Variants in SH3BP1 observed in about 807,000 individuals in gnomAD.
SH3BP1 encodes the protein SH3 domain binding protein 1.
In SH3BP1, 46 loss-of-function variants were observed where a neutral mutation model predicts 69.8. That is an observed-to-expected ratio of 0.66 (90% CI 0.52 to 0.84). The LOEUF is 0.84. Ranked by LOEUF, SH3BP1 falls within the 40% of genes least tolerant of loss-of-function variation. The pLI, the probability that SH3BP1 is intolerant of heterozygous loss-of-function variation, is 0.00. For synonymous variants in SH3BP1, 403 were observed against 378.0 expected (o/e 1.07, Z -0.77); for missense variants, 868 against 930.9 (o/e 0.93, Z 0.88).
chr22:37,650,231 G>A lies in SH3BP1; in HGVS notation c.1396G>A (p.Asp466Asn), dbSNP rs1206086942. 1 of 1,611,362 alleles carries A rather than the reference G, an allele frequency of 6.2e-7. No individual in the cohort carries two copies. The highest frequency in any genetic ancestry group is 8.5e-7 in the Non-Finnish European group (1 of 1,178,782). The change falls in exon 15 of 18, where the codon GAC becomes AAC. Residue 466 changes from aspartate to asparagine, a missense_variant. This residue lies in a region of SH3BP1 where 474 missense variants were observed against 462.3 expected (regional missense o/e 1.03). Coordinates refer to ENST00000649765, the MANE Select transcript of SH3BP1 (RefSeq NM_018957.6). ...GVVEALIQSADTLFPGDINFN... is the reference protein window; with the variant it reads ...GVVEALIQSANTLFPGDINFN... ...CGTCGAGGCGCTGATCCAGAGCGCA[G>A]ACACCCTCTTCCCTGGAGGTGAAGC...
chr22:37,643,937 C>T (rs997672513), intron 7 of SH3BP1, 149 bp downstream of exon 7: 49 of 825,950 alleles, frequency 5.9e-5, no homozygotes, highest in Non-Finnish European at 7.6e-5. Flanking sequence ...GCCATTCCCT[C>T]GTAGCCTCTT....
At position 37,648,339 on chromosome 22, in the gene SH3BP1, C is replaced by A; in HGVS notation, c.1220C>A (p.Ala407Glu). 1 of 1,581,398 alleles carries A rather than the reference C, an allele frequency of 6.3e-7. No homozygotes were observed. Residue 407 changes from alanine to glutamate, a missense_variant, in exon 14 of 18, where the codon GCA becomes GAA. Around this residue, in one of 3 missense-constraint regions of SH3BP1, gnomAD observed 474 missense variants for 462.3 expected, o/e 1.03. Coordinates refer to ENST00000649765, the MANE Select transcript of SH3BP1 (RefSeq NM_018957.6). ...SNLRYLMKFL[A>E]RLAEEQEVNK... is the part of the protein sequence containing the mutation. ...CTTAGGTACCTGATGAAGTTCCTGGCACGGCTGGCCGAGGAGCAGGAGGTG... is the reference window on the plus strand; with the variant it reads ...CTTAGGTACCTGATGAAGTTCCTGGAACGGCTGGCCGAGGAGCAGGAGGTG...
Position 37,655,994 on chromosome 22 carries a change from G to C in SH3BP1, c.*310G>C. On this transcript the variant is annotated 3_prime_UTR_variant, in exon 18 of 18. Transcript: ENST00000649765. ...CTACGGGACTGATTCTTCTCTTGCC[G>C]ACATGTTTTTTGTAAGGCTGGTAAA... 1 of 1,489,438 alleles carries C rather than the reference G, an allele frequency of 6.7e-7. No homozygotes were observed. Among genetic ancestry groups the C allele is most frequent in the African/African-American group, 1.4e-5 (1 of 72,550 alleles). 92.3% of individuals were successfully genotyped at this position (1,489,438 alleles called of 1,614,324 possible). A position where few individuals can be genotyped will look rare whatever the true frequency, so the allele number is the denominator to read the frequency against.
At chr22:37,641,615 C>T (rs1932602318) in intron 3 of SH3BP1, 137 bp downstream of exon 3, 1 of 699,920 alleles carries the variant, frequency 1.4e-6, no homozygotes, top group Non-Finnish European at 2.4e-6. Context: ...GTTCCAAGGC[C>T]CCTCTGGCAC....
chr22:37,644,796 C>T (rs534563455), intron 8 of SH3BP1, 74 bp from the exon 9 acceptor site: 28 of 1,599,292 alleles, frequency 1.8e-5, no homozygotes, highest in South Asian at 9.9e-5. Flanking sequence ...GTGGAGGGGG[C>T]GTCTGCTCTC....
chr22:37,642,282 A>T (rs1026902122), intron 3 of SH3BP1: 1 of 502,802 alleles, frequency 2.0e-6, no homozygotes, highest in Admixed American at 3.2e-5. Flanking sequence ...CCCAGTCTGC[A>T]GTAGGACTTG....
chr22:37,644,733 C>T, intron 8 of SH3BP1, 28 bp downstream of exon 8: 6 of 1,613,506 alleles, frequency 3.7e-6, no homozygotes, highest in Non-Finnish European at 5.1e-6. Flanking sequence ...CCCCAGCCAT[C>T]CAGAGTTCAG....
chr22:37,642,510 A>T, intron 3 of SH3BP1, 29 bp from the exon 4 acceptor site: 1 of 1,610,126 alleles, frequency 6.2e-7, no homozygotes, highest in Non-Finnish European at 8.5e-7. Flanking sequence ...AGGCACGGAC[A>T]CTCATCGCCG....
intron 9 of SH3BP1, 30 bp from the exon 10 acceptor site, chr22:37,645,335 C>G (rs761827549): frequency 1.9e-6 from 3 of 1,586,922 alleles, no homozygotes; most frequent in Non-Finnish European, 1.7e-6. Context: ...TGGGAAGGCC[C>G]TGGGCCGCTG....
chr22:37,654,935 C>A (rs551381165), intron 17 of SH3BP1, among the ~76,000 whole-genome samples: 1 of 152,256 alleles, frequency 6.6e-6, no homozygotes, highest in African/African-American at 2.4e-5. Context: ...CACAGCGAGA[C>A]CCTGTCTCAA....
At position 37,645,095 on chromosome 22, in the gene SH3BP1, G is replaced by A. The variant is rs185386234; in HGVS notation, c.778+135G>A. The A allele has an allele frequency of 3.3e-6, 3 of 896,294 alleles. No individual in the cohort carries two copies. The East Asian group carries it at 8.0e-5, about 24-fold the overall frequency. The allele number at this position is 896,294 out of a possible 1,614,324, so 55.5% of individuals were successfully genotyped here. ...TGAGAGCTAGGCTCAATCTGTGATG[G>A]AGAGGCAGCTCTGGCTACTGTGTGG... On this transcript the variant is annotated intron_variant, in intron 9 of 17. Coordinates refer to ENST00000649765, the MANE Select transcript of SH3BP1 (RefSeq NM_018957.6).
chr22:37,649,471 A>G (rs1170662722), intron 14 of SH3BP1, among the ~76,000 whole-genome samples: 4 of 151,838 alleles, frequency 2.6e-5, no homozygotes, highest in African/African-American at 4.8e-5. Flanking sequence ...GTGTGACACA[A>G]TGAGACCCTG....
intron 14 of SH3BP1, chr22:37,648,695 G>A (rs914193464): frequency 1.5e-4 from 53 of 363,680 alleles, no homozygotes; most frequent in South Asian, 3.2e-4. Context: ...CCCAGAGATC[G>A]GGTTCTTTTT....
chr22:37,643,985 C>T (rs1420974339), intron 7 of SH3BP1, among the ~76,000 whole-genome samples, 197 bp downstream of exon 7: 1 of 152,234 alleles, frequency 6.6e-6, no homozygotes, highest in Admixed American at 6.5e-5. Context: ...AAGGCAGAGA[C>T]TTGGTCTGTT....
intron 7 of SH3BP1, among the ~76,000 whole-genome samples, chr22:37,644,118 G>T (rs1049306933): frequency 6.6e-6 from 1 of 152,230 alleles, no homozygotes; most frequent in Non-Finnish European, 1.5e-5. Context: ...GGTGGCTTAC[G>T]CCTGTAATCC....
Position 37,646,834 on chromosome 22 carries a change from C to A in SH3BP1, c.941C>A (p.Ala314Asp). The A allele has an allele frequency of 1.3e-6, 2 of 1,539,636 alleles. No homozygotes were observed. The highest frequency in any genetic ancestry group is 1.2e-5 in the South Asian group (1 of 82,888). ...CGAACCCAGGGTCTCTTCCGTCTGGCTGCTGGGGCCTCGGTGCTGAAGCGT... is the reference window on the plus strand; with the variant it reads ...CGAACCCAGGGTCTCTTCCGTCTGGATGCTGGGGCCTCGGTGCTGAAGCGT... ...GMKEEGLFRL[A>D]AGASVLKRLK... Residue 314 changes from alanine (A) to aspartate (D), a missense_variant, in exon 11 of 18, where the codon GCT becomes GAT. This residue lies in a region of SH3BP1 where 387 missense variants were observed against 447.9 expected (regional missense o/e 0.86). Transcript: ENST00000649765.
intron 7 of SH3BP1, among the ~76,000 whole-genome samples, 197 bp from the exon 8 acceptor site, chr22:37,644,440 C>T (rs933025194): frequency 6.6e-6 from 1 of 152,216 alleles, no homozygotes; most frequent in Non-Finnish European, 1.5e-5. Context: ...GAGATGGGGA[C>T]GAGAAGCCAG....
intron 1 of SH3BP1, 54 bp downstream of exon 1, chr22:37,639,900 CG>C: frequency 8.9e-7 from 1 of 1,119,706 alleles, no homozygotes; most frequent in Non-Finnish European, 1.3e-6. Context: ...CTTGAGGGGT[CG>C]TAAAAGGGTC....
intron 14 of SH3BP1, 27 bp downstream of exon 14, chr22:37,648,462 G>A (rs1415690555): frequency 1.4e-6 from 2 of 1,456,250 alleles, no homozygotes; most frequent in South Asian, 1.2e-5. Context: ...TGGGGGAGGT[G>A]GCAGGAGGAA....
Sources: gnomAD v4.1 joint callset for allele counts (sites outside exome capture counted in the v4.1 genomes callset) on GRCh38, gnomAD v4.1.1 for gene constraint, gnomAD v4.1.1 regional missense constraint, MANE v1.5 for transcripts, NCBI Gene and HGNC (gene_info 2026-07-23, HGNC 2026-07-21) for gene names.